The following LTN1 variants were observed in gnomAD, a reference collection of about 807,000 sequenced individuals.
LTN1 encodes listerin E3 ubiquitin protein ligase 1, also known as E3 ubiquitin-protein ligase listerin.
In LTN1, 88 loss-of-function variants were observed where a neutral mutation model predicts 201.2. The ratio of observed to expected loss-of-function variants is 0.44; its 90% CI spans 0.37 to 0.52. The LOEUF (loss-of-function observed/expected upper bound fraction) is 0.52. Among genes scored for constraint, LTN1 ranks in the 20% least tolerant of loss-of-function variants. LTN1 has a pLI of 0.00. For synonymous variants in LTN1, 645 were observed against 713.5 expected (o/e 0.90, Z 1.53); for missense variants, 1,752 against 2,038.7 (o/e 0.86, Z 2.71).
chr21:28,991,062 G>C (rs1281938387), intron 1 of LTN1, among the ~76,000 whole-genome samples: 3 of 151,730 alleles, frequency 2.0e-5, no homozygotes, highest in African/African-American at 7.3e-5. Context: ...ACTTGAACCC[G>C]AGAGGCGGAG....
intron 3 of LTN1, among the ~76,000 whole-genome samples, chr21:28,985,228 G>A (rs1054177633): frequency 2.0e-5 from 3 of 152,132 alleles, no homozygotes; most frequent in Non-Finnish European, 4.4e-5. Context: ...CGGTGGCCGA[G>A]GCAGGCGGAT....
chr21:28,952,668 G>A (rs1025225084), intron 17 of LTN1, among the ~76,000 whole-genome samples: 7 of 152,214 alleles, frequency 4.6e-5, no homozygotes, highest in Admixed American at 1.3e-4. Context: ...TAAGTAGAAT[G>A]CGATTGGAAA....
chr21:28,973,762 A>G (rs1311217393), intron 6 of LTN1, among the ~76,000 whole-genome samples: 1 of 152,214 alleles, frequency 6.6e-6, no homozygotes, highest in Non-Finnish European at 1.5e-5. Flanking sequence ...TGAAAAGAAC[A>G]AAGTTGGAAG....
At chr21:28,982,998 C>T (rs763283972) in intron 4 of LTN1, among the ~76,000 whole-genome samples, 1 of 152,154 alleles carries the variant, frequency 6.6e-6, no homozygotes, top group Non-Finnish European at 1.5e-5. Context: ...AGAAACTTGC[C>T]CAAGGTCACA....
rs760752347 is a variant in LTN1, at chr21:28,946,215, T to C, written c.3560A>G (p.His1187Arg). The stretch of plus-strand genomic sequence containing the variant: ...GGATATTATGATTTTTAATATTCCA[T>C]GTAATAGCTCTCCATCATCTATACT... Reference protein sequence around the residue: ...TKSIDDGELLHGILKIIISWK... With the variant: ...TKSIDDGELLRGILKIIISWK... The change falls in exon 20 of 30, where the codon CAT becomes CGT. Residue 1187 changes from histidine (H) to arginine (R), a missense_variant. By Grantham distance (29) the His-to-Arg change is conservative (BLOSUM62 0). This residue lies in a region of LTN1 where 1,211 missense variants were observed against 1,312.8 expected (regional missense o/e 0.92). Coordinates refer to ENST00000361371, the MANE Select transcript of LTN1 (RefSeq NM_015565.3). The C allele has an allele frequency of 6.9e-6, 11 of 1,590,078 alleles. No homozygotes were observed. The highest frequency in any genetic ancestry group is 9.4e-6 in the Non-Finnish European group (11 of 1,168,986).
At position 28,937,074 on chromosome 21, in the gene LTN1, A is replaced by G. The variant is rs567431451; in HGVS notation, c.4483-377T>C. 1.4e-4 allele frequency among the ~76,000 whole-genome samples: 21 copies of G among 152,342 alleles called. No homozygotes were observed. In the East Asian group the frequency reaches 4.0e-3, roughly 29 times the overall value. Reference sequence around the variant, plus strand: ...AAACTCCGACATCCCTTTACGACAGAGAGCACAAACTAGTGGTCCAAAATG... The same window carrying G: ...AAACTCCGACATCCCTTTACGACAGGGAGCACAAACTAGTGGTCCAAAATG... On this transcript the variant is annotated intron_variant, in intron 25 of 29. Coordinates refer to ENST00000361371, the MANE Select transcript of LTN1 (RefSeq NM_015565.3).
In LTN1 at chr21:28,941,357, G is replaced by C; in HGVS notation, c.4345C>G (p.Leu1449Val). 1.2e-6 allele frequency: 2 copies of C among 1,613,576 alleles called. No individual in the cohort carries two copies. Among genetic ancestry groups the C allele is most frequent in the Non-Finnish European group, 1.7e-6 (2 of 1,179,806 alleles). The change falls in exon 25 of 30, where the codon CTA (leucine) becomes GTA (valine). Residue 1449 changes from leucine (L) to valine (V), a missense_variant. Leu to Val is a conservative substitution (Grantham distance 32). Coordinates refer to ENST00000361371, the MANE Select transcript of LTN1 (RefSeq NM_015565.3). Reference protein sequence around the residue: ...MSLLSIQEDLLENVLGCIPVG... With the variant: ...MSLLSIQEDLVENVLGCIPVG... ...GGAATACACCCCAAAACATTTTCTA[G>C]TAAGTCCTCTTGAATGCTAAGAAGA...
intron 24 of LTN1, among the ~76,000 whole-genome samples, chr21:28,942,087 T>C (rs936875787): frequency 6.6e-6 from 1 of 152,168 alleles, no homozygotes; most frequent in South Asian, 2.1e-4. Context: ...CTAGCCTGGT[T>C]CTCTCCTTTC....
At position 28,941,227 on chromosome 21, in the gene LTN1, G is replaced by A. The variant is rs373415524; in HGVS notation, c.4475C>T (p.Ser1492Leu). 1 of 1,610,492 alleles carries A rather than the reference G, an allele frequency of 6.2e-7. No homozygotes were observed. Among genetic ancestry groups the A allele is most frequent in the Non-Finnish European group, 8.5e-7 (1 of 1,177,926 alleles). The change falls in exon 25 of 30, where the codon TCA becomes TTA. Residue 1492 changes from serine (S) to leucine (L), a missense_variant. Physicochemically the swap from Ser to Leu is moderately radical, Grantham distance 145. Transcript: ENST00000361371. The stretch of plus-strand genomic sequence containing the variant: ...TGTCACATATTTATTTACCTGTGAT[G>A]ATGCAGCTTTGAAGAAAGTTAGTAT... The part of the protein sequence containing the change: ...KLILTFFKAA[S>L]SQLRALYSMY...
At chr21:28,958,287 A>G (rs1229979230) in intron 14 of LTN1, 99 bp downstream of exon 14, 1 of 1,137,474 alleles carries the variant, frequency 8.8e-7, no homozygotes, top group African/African-American at 1.6e-5. Context: ...GAGCCCTACA[A>G]GTCATTTTTC....
At chr21:28,964,740 T>C in intron 11 of LTN1, 6 of 1,550,258 alleles carry the variant, frequency 3.9e-6, no homozygotes, top group Non-Finnish European at 5.2e-6. Context: ...CAGATGTGAG[T>C]ATTTGCACTT....
intron 21 of LTN1, 35 bp downstream of exon 21, chr21:28,945,772 C>T (rs755280042): frequency 1.3e-6 from 2 of 1,574,760 alleles, no homozygotes; most frequent in South Asian, 2.4e-5. Context: ...TGTACAAAAA[C>T]CCACAAGAGG....
At chr21:28,939,997 A>G (rs2084284843) in intron 25 of LTN1, among the ~76,000 whole-genome samples, 1 of 152,250 alleles carries the variant, frequency 6.6e-6, no homozygotes, top group African/African-American at 2.4e-5. Context: ...TCTTTGTACC[A>G]GGGTATAGGG....
intron 18 of LTN1, among the ~76,000 whole-genome samples, chr21:28,951,230 A>C (rs962993531): frequency 1.3e-5 from 2 of 152,246 alleles, no homozygotes; most frequent in Non-Finnish European, 2.9e-5. Context: ...TAAAACTTTT[A>C]AGATAAAAAA....
intron 17 of LTN1, among the ~76,000 whole-genome samples, chr21:28,952,620 CAA>C (rs1786288567): frequency 1.3e-5 from 2 of 152,166 alleles, no homozygotes; most frequent in Non-Finnish European, 2.9e-5. Flanking sequence ...GTTGAACAAT[CAA>C]AGAGGTTCTT....
chr21:28,945,814 C>T lies in LTN1; in HGVS notation c.3761G>A (p.Trp1254Ter). Reference sequence around the variant, plus strand: ...CATATCGGGTTAATTTACCTCCAACCAAGCCAACATGGAGCACATGATGAA... The same window carrying T: ...CATATCGGGTTAATTTACCTCCAACTAAGCCAACATGGAGCACATGATGAA... ...WDFIMCSMLA[W>*]LETTSENQAL... Residue 1254 changes from tryptophan (W) to a stop codon, truncating the protein, a stop_gained, in exon 21 of 30, where the codon TGG becomes TAG. Coordinates refer to ENST00000361371, the MANE Select transcript of LTN1 (RefSeq NM_015565.3). LOFTEE classifies it high-confidence loss of function. 1 of 1,612,262 alleles carries T rather than the reference C, an allele frequency of 6.2e-7. No homozygotes were observed. The highest frequency in any genetic ancestry group is 8.5e-7 in the Non-Finnish European group (1 of 1,179,054).
rs2084189698 is a variant in LTN1, at chr21:28,928,918, AAG to A, written c.*1528_*1529del. 1 of 152,584 alleles carries A rather than the reference AAG, an allele frequency of 6.6e-6. No individual in the cohort carries two copies. The highest frequency in any genetic ancestry group is 1.5e-5 in the Non-Finnish European group (1 of 68,000). 9.5% of individuals were successfully genotyped at this position (152,584 alleles called of 1,614,324 possible). ...AATCCTTTGGGATTACTATGTCAGA[AAG>A]AGACATAGAAAGATAGAGAATATTT... On this transcript the variant is annotated 3_prime_UTR_variant, in exon 30 of 30. Coordinates refer to ENST00000361371, the MANE Select transcript of LTN1 (RefSeq NM_015565.3).
rs201581287 is a variant in LTN1 at position 28,984,640 on chromosome 21, C to A, written c.576+52G>T. ...AAAAGAGCTGTCATTATGCTTATAA[C>A]CCTTAAATACTTAAAAAAAAAAAAT... On this transcript the variant is annotated intron_variant, in intron 4 of 29. Coordinates refer to ENST00000361371, the MANE Select transcript of LTN1 (RefSeq NM_015565.3). 6.0e-6 allele frequency: 8 copies of A among 1,342,454 alleles called. No homozygotes were observed. The East Asian group carries it at 1.4e-4, about 24-fold the overall frequency. 83.2% of individuals were successfully genotyped at this position (1,342,454 alleles called of 1,614,324 possible). A position where few individuals can be genotyped will look rare whatever the true frequency, so the allele number is the denominator to read the frequency against.
intron 12 of LTN1, among the ~76,000 whole-genome samples, 182 bp downstream of exon 12, chr21:28,960,335 C>T (rs548859631): frequency 1.2e-4 from 18 of 144,866 alleles, no homozygotes; most frequent in East Asian, 1.0e-3. Flanking sequence ...CCAGCCTAGA[C>T]GACAGAGGGA....
Sources: gnomAD v4.1 joint callset for allele counts (sites outside exome capture counted in the v4.1 genomes callset) on GRCh38, gnomAD v4.1.1 for gene constraint, gnomAD v4.1.1 regional missense constraint, MANE v1.5 for transcripts, NCBI Gene and HGNC (gene_info 2026-07-23, HGNC 2026-07-21) for gene names.